Variants in MYRIP observed in about 807,000 individuals in gnomAD.
MYRIP encodes the protein myosin VIIA and Rab interacting protein.
Under a neutral mutation model 98.0 loss-of-function variants are expected in MYRIP, and 49 were observed. The ratio of observed to expected loss-of-function variants is 0.50; its 90% CI spans 0.40 to 0.63. The LOEUF is 0.63. MYRIP is among the 30% of genes least tolerant of loss of function. The pLI, the probability that MYRIP is intolerant of heterozygous loss-of-function variation, is 0.00. For synonymous variants in MYRIP, 404 were observed against 409.5 expected (o/e 0.99, Z 0.16); for missense variants, 1,004 against 1,058.2 (o/e 0.95, Z 0.71).
At chr3:40,147,522 GA>G (rs1950034895) in intron 3 of MYRIP, among the ~76,000 whole-genome samples, 1 of 152,028 alleles carries the variant, frequency 6.6e-6, no homozygotes, top group African/African-American at 2.4e-5. Flanking sequence ...TTATCTTCTA[GA>G]GACCAAAGTC....
chr3:39,832,134 A>G (rs183648471), intron 1 of MYRIP, among the ~76,000 whole-genome samples: 2 of 152,328 alleles, frequency 1.3e-5, no homozygotes, highest in East Asian at 3.9e-4. Flanking sequence ...CATCATGAGA[A>G]CATGGCTTTA....
At chr3:39,866,788 C>T (rs1054841251) in intron 1 of MYRIP, among the ~76,000 whole-genome samples, 2 of 152,228 alleles carry the variant, frequency 1.3e-5, no homozygotes, top group South Asian at 2.1e-4. Context: ...CAACCCCTAT[C>T]AAAATTCTAA....
At chr3:40,179,027 G>A (rs1341980614) in intron 8 of MYRIP, among the ~76,000 whole-genome samples, 4 of 152,206 alleles carry the variant, frequency 2.6e-5, no homozygotes, top group Non-Finnish European at 1.5e-5. Flanking sequence ...CAGAGTCTGT[G>A]CGTAGGAAAG....
intron 2 of MYRIP, among the ~76,000 whole-genome samples, chr3:39,981,594 A>G (rs1945897965): frequency 6.6e-6 from 1 of 151,780 alleles, no homozygotes; most frequent in African/African-American, 2.4e-5. Context: ...CTCCCTTTTC[A>G]TGTTGTTGGG....
Position 40,250,491 on chromosome 3 carries a change from C to T in MYRIP, c.2420C>T (p.Pro807Leu), listed in dbSNP as rs371006698. 2.5e-5 allele frequency: 41 copies of T among 1,614,040 alleles called. No homozygotes were observed. The South Asian group carries it at 2.6e-4, about 10-fold the overall frequency. ...RQQRRKLPAP[P>L]VKAEKIETSS... Reference sequence around the variant, plus strand: ...CAAAGGAGGAAACTGCCTGCTCCACCGGTGAAAGGTATGCTAAATTAAAAC... The same window carrying T: ...CAAAGGAGGAAACTGCCTGCTCCACTGGTGAAAGGTATGCTAAATTAAAAC... Residue 807 changes from proline (P) to leucine (L), a missense_variant, in exon 15 of 17, where the codon CCG (proline) becomes CTG (leucine). Physicochemically the swap from Pro to Leu is moderately conservative, Grantham distance 98 (BLOSUM62 -3). This residue lies in a region of MYRIP where 108 missense variants were observed against 111.1 expected (regional missense o/e 0.97). Transcript: ENST00000302541.
At chr3:40,154,196 C>T (rs1487935148) in intron 4 of MYRIP, among the ~76,000 whole-genome samples, 1 of 152,090 alleles carries the variant, frequency 6.6e-6, no homozygotes, top group East Asian at 1.9e-4. Context: ...CACGTATCAC[C>T]CATCACATAC....
At chr3:39,974,255 A>T (rs527810332) in intron 2 of MYRIP, among the ~76,000 whole-genome samples, 1 of 152,290 alleles carries the variant, frequency 6.6e-6, no homozygotes, top group African/African-American at 2.4e-5. Flanking sequence ...AACTACCATC[A>T]GAGAATACTA....
chr3:40,253,849 T>C (rs1184019507), intron 16 of MYRIP, among the ~76,000 whole-genome samples: 2 of 152,212 alleles, frequency 1.3e-5, no homozygotes, highest in Non-Finnish European at 2.9e-5. Context: ...GTATATCCTC[T>C]CAACTGTATC....
At chr3:39,815,513 C>G (rs529962569) in intron 1 of MYRIP, among the ~76,000 whole-genome samples, 21 of 152,228 alleles carry the variant, frequency 1.4e-4, no homozygotes, top group Admixed American at 1.2e-3. Flanking sequence ...CATCTCTCCT[C>G]TAGCTACATT....
intron 1 of MYRIP, among the ~76,000 whole-genome samples, chr3:39,833,758 C>T (rs1270826643): frequency 4.6e-5 from 7 of 152,144 alleles, no homozygotes; most frequent in East Asian, 1.9e-4. Flanking sequence ...CGGTGGCTCA[C>T]GCCTGTAATC....
chr3:39,857,587 C>G (rs2125613943), intron 1 of MYRIP, among the ~76,000 whole-genome samples: 1 of 152,048 alleles, frequency 6.6e-6, no homozygotes, highest in African/African-American at 2.4e-5. Flanking sequence ...GTGAAGGAAG[C>G]CCACAGGAAG....
intron 2 of MYRIP, among the ~76,000 whole-genome samples, chr3:40,002,351 A>G (rs988246492): frequency 6.6e-6 from 1 of 152,156 alleles, no homozygotes; most frequent in African/African-American, 2.4e-5. Context: ...CCTGGCCAAC[A>G]TGGTGAAACC....
chr3:39,886,760 G>T (rs1438248590), intron 1 of MYRIP, among the ~76,000 whole-genome samples: 4 of 151,390 alleles, frequency 2.6e-5, no homozygotes, highest in Admixed American at 2.6e-4. Flanking sequence ...ACACCCCACT[G>T]TCAACATTAG....
chr3:39,999,161 A>T (rs557941970), intron 2 of MYRIP, among the ~76,000 whole-genome samples: 2 of 152,358 alleles, frequency 1.3e-5, no homozygotes, highest in African/African-American at 4.8e-5. Flanking sequence ...TGGCAACAAA[A>T]GCCAAAATTG....
intron 1 of MYRIP, among the ~76,000 whole-genome samples, chr3:39,882,488 T>C (rs968125659): frequency 8.5e-5 from 13 of 152,284 alleles, no homozygotes; most frequent in Non-Finnish European, 1.8e-4. Flanking sequence ...TATTTTAATT[T>C]GTCTATTTTT....
intron 3 of MYRIP, among the ~76,000 whole-genome samples, chr3:40,083,508 GGAA>G (rs1191521027): frequency 6.6e-6 from 1 of 152,138 alleles, no homozygotes; most frequent in Admixed American, 6.5e-5. Context: ...AGGGGCAAAG[GGAA>G]GAAGAATACT....
At chr3:39,924,397 C>T (rs1387209138) in intron 2 of MYRIP, among the ~76,000 whole-genome samples, 2 of 152,132 alleles carry the variant, frequency 1.3e-5, no homozygotes, top group East Asian at 3.9e-4. Flanking sequence ...AGGGGCATTG[C>T]ATAATGATAA....
chr3:40,092,023 C>T (rs974963456), intron 3 of MYRIP, among the ~76,000 whole-genome samples: 1 of 152,180 alleles, frequency 6.6e-6, no homozygotes, highest in Non-Finnish European at 1.5e-5. Flanking sequence ...AATTGCTTGT[C>T]AGAAGCTCTG....
At chr3:40,250,630 T>TTCATAAA in intron 15 of MYRIP, 131 bp downstream of exon 15, 1 of 1,084,640 alleles carries the variant, frequency 9.2e-7, no homozygotes, top group East Asian at 2.6e-5. Context: ...CTTGTCTATC[T>TTCATAAA]TGATTTGGGT....
Sources: allele counts gnomAD v4.1 joint callset (sites outside exome capture counted in the v4.1 genomes callset), GRCh38; gene constraint gnomAD v4.1.1; regional missense constraint gnomAD v4.1.1; transcripts MANE v1.5; gene names NCBI Gene and HGNC (gene_info 2026-07-23, HGNC 2026-07-21).